RAPGEF2: variants seen among roughly 807,000 people sequenced by gnomAD.
RAPGEF2 encodes the protein PDZ domain containing guanine nucleotide exchange factor (GEF) 1.
A neutral mutation model predicts 186.7 loss-of-function variants in RAPGEF2; 54 were observed. That is an observed-to-expected ratio of 0.29 (90% confidence interval 0.23 to 0.36). The LOEUF (loss-of-function observed/expected upper bound fraction) is 0.36. RAPGEF2 is among the 10% of genes least tolerant of loss of function. The pLI is 1.00. For missense variants in RAPGEF2, 1,532 were observed against 2,045.0 expected (o/e 0.75, Z 4.84); for synonymous variants, 712 against 705.9 (o/e 1.01, Z -0.14).
rs186341399 is a variant in RAPGEF2 at position 159,275,044 on chromosome 4, C to G, written c.544-29298C>G. On this transcript the variant is annotated intron_variant, in intron 7 of 29. Coordinates refer to ENST00000691494, the MANE Select transcript of RAPGEF2 (RefSeq NM_001394067.2). ...AGGCCTTATATGTAGTTATGTTTTT[C>G]TCTGTCTCTCGTGTGTGTGTGTGTG... Among the ~76,000 whole-genome samples, 455 of 136,354 alleles carry G rather than the reference C, an allele frequency of 3.3e-3. 1 individual carries two copies. The highest frequency in any genetic ancestry group is 0.012 in the African/African-American group (427 of 36,188). The allele number at this position is 136,354 out of a possible 152,430, so 89.5% of individuals were successfully genotyped here.
At position 159,356,167 on chromosome 4, in the gene RAPGEF2, A is replaced by C; in HGVS notation, c.4957+9A>C. ...TTCCACCGAGGAGGATGGTATATGC[A>C]CATAAATATTCCTAAAACCTCCAAG... On this transcript the variant is annotated intron_variant, in intron 29 of 29. Coordinates refer to ENST00000691494, the MANE Select transcript of RAPGEF2 (RefSeq NM_001394067.2). 1 of 1,607,792 alleles carries C rather than the reference A, an allele frequency of 6.2e-7. No homozygotes were observed. Among genetic ancestry groups the C allele is most frequent in the South Asian group, 1.1e-5 (1 of 90,796 alleles).
chr4:159,155,143 T>C (rs912697785), intron 1 of RAPGEF2, among the ~76,000 whole-genome samples: 1 of 152,176 alleles, frequency 6.6e-6, no homozygotes, highest in Non-Finnish European at 1.5e-5. Flanking sequence ...GCTAGTATGT[T>C]TCCTGTGATT....
chr4:159,215,574 T>C (rs1750923423), intron 4 of RAPGEF2, among the ~76,000 whole-genome samples: 2 of 152,236 alleles, frequency 1.3e-5, no homozygotes, highest in Non-Finnish European at 2.9e-5. Context: ...AAATGTTTAG[T>C]CTGATTTTCT....
At chr4:159,157,077 C>T (rs897772037) in intron 1 of RAPGEF2, among the ~76,000 whole-genome samples, 1 of 152,178 alleles carries the variant, frequency 6.6e-6, no homozygotes, top group African/African-American at 2.4e-5. Context: ...ATTGGCCTTT[C>T]ACTTTATTTG....
intron 7 of RAPGEF2, among the ~76,000 whole-genome samples, chr4:159,276,821 T>C (rs1758943191): frequency 6.6e-6 from 1 of 151,060 alleles, no homozygotes; most frequent in African/African-American, 2.4e-5. Context: ...AAAAGTTCAT[T>C]AGTAGTGATA....
intron 7 of RAPGEF2, among the ~76,000 whole-genome samples, chr4:159,255,187 T>C (rs976580746): frequency 6.6e-6 from 1 of 152,114 alleles, no homozygotes; most frequent in Non-Finnish European, 1.5e-5. Flanking sequence ...TACACTCCCA[T>C]GATGTTTGTA....
intron 1 of RAPGEF2, among the ~76,000 whole-genome samples, chr4:159,163,984 T>C (rs1469779363): frequency 2.0e-5 from 3 of 152,082 alleles, no homozygotes; most frequent in Non-Finnish European, 4.4e-5. Context: ...TAGATAATGA[T>C]AACATGTATC....
At chr4:159,212,455 G>A (rs67968921) in intron 4 of RAPGEF2, among the ~76,000 whole-genome samples, 74,526 of 151,890 alleles carry the variant, frequency 0.49, 20,205 homozygotes, top group African/African-American at 0.74. Context: ...CCTGTCATCG[G>A]AGATAATCAT....
intron 23 of RAPGEF2, among the ~76,000 whole-genome samples, 192 bp from the exon 24 acceptor site, chr4:159,344,914 G>A (rs1201738709): frequency 2.0e-5 from 3 of 152,128 alleles, no homozygotes; most frequent in Non-Finnish European, 4.4e-5. Context: ...ATTTTTATAT[G>A]TATATTATGT....
At chr4:159,306,852 G>A (rs1361499150) in intron 8 of RAPGEF2, among the ~76,000 whole-genome samples, 1 of 152,036 alleles carries the variant, frequency 6.6e-6, no homozygotes, top group Admixed American at 6.6e-5. Context: ...GCTTCCTTGT[G>A]TTTTTAAAAA....
chr4:159,241,665 C>T (rs942958690), intron 6 of RAPGEF2, among the ~76,000 whole-genome samples: 1 of 151,624 alleles, frequency 6.6e-6, no homozygotes, highest in African/African-American at 2.4e-5. Context: ...TTTGCTAGCT[C>T]CTTTATTTCT....
At chr4:159,352,407 G>A (rs1482303630) in intron 26 of RAPGEF2, 1 of 334,984 alleles carries the variant, frequency 3.0e-6, no homozygotes, top group Non-Finnish European at 5.5e-6. Context: ...ATATAGGTAA[G>A]GGAGCTAAGA....
chr4:159,201,357 C>G (rs192356323), intron 3 of RAPGEF2, among the ~76,000 whole-genome samples: 1 of 152,090 alleles, frequency 6.6e-6, no homozygotes, highest in East Asian at 1.9e-4. Context: ...TTTTTGAAGC[C>G]GTGGAACACT....
intron 17 of RAPGEF2, among the ~76,000 whole-genome samples, chr4:159,337,061 C>T (rs1052057331): frequency 1.3e-5 from 2 of 152,140 alleles, no homozygotes; most frequent in Non-Finnish European, 1.5e-5. Flanking sequence ...ATTATTAAAT[C>T]ATGTTTCAAG....
intron 1 of RAPGEF2, among the ~76,000 whole-genome samples, chr4:159,183,426 A>G (rs970779441): frequency 3.3e-5 from 5 of 152,234 alleles, no homozygotes; most frequent in Non-Finnish European, 5.9e-5. Flanking sequence ...AATGGATCAC[A>G]GACCTCAATG....
At chr4:159,199,911 A>G (rs1749227043) in intron 3 of RAPGEF2, among the ~76,000 whole-genome samples, 1 of 152,236 alleles carries the variant, frequency 6.6e-6, no homozygotes, top group Admixed American at 6.5e-5. Flanking sequence ...AGACATTTGT[A>G]AATTAATTTC....
At chr4:159,305,008 G>A (rs1356020458) in intron 8 of RAPGEF2, among the ~76,000 whole-genome samples, 1 of 152,118 alleles carries the variant, frequency 6.6e-6, no homozygotes, top group East Asian at 1.9e-4. Context: ...TGCTGCAAAA[G>A]ACATGATTTC....
chr4:159,248,660 T>C (rs1354384497), intron 7 of RAPGEF2, among the ~76,000 whole-genome samples: 1 of 152,212 alleles, frequency 6.6e-6, no homozygotes, highest in Non-Finnish European at 1.5e-5. Context: ...CTCTCTTTCT[T>C]GCAGTTACAA....
intron 4 of RAPGEF2, among the ~76,000 whole-genome samples, chr4:159,213,173 GT>G (rs1204602794): frequency 1.3e-5 from 2 of 152,162 alleles, no homozygotes; most frequent in Non-Finnish European, 2.9e-5. Flanking sequence ...CAAGTTGCTT[GT>G]TTCCTTTGGG....
Sources: gnomAD v4.1 joint callset for allele counts (sites outside exome capture counted in the v4.1 genomes callset) on GRCh38, gnomAD v4.1.1 for gene constraint, MANE v1.5 for transcripts, NCBI Gene and HGNC (gene_info 2026-07-23, HGNC 2026-07-21) for gene names.